The following ITPR1 variants were observed in gnomAD, a reference collection of about 807,000 sequenced individuals.
ITPR1 encodes inositol 1,4,5-trisphosphate-gated calcium channel ITPR1.
A neutral mutation model predicts 318.4 loss-of-function variants in ITPR1; 96 were observed. That is an observed-to-expected ratio of 0.30 (90% CI 0.26 to 0.36). The LOEUF (loss-of-function observed/expected upper bound fraction) is 0.36. ITPR1 is among the 10% of genes least tolerant of loss of function. The probability of loss-of-function intolerance (pLI) is 1.00; values close to 1 mark genes in which losing one functional copy is unlikely to be tolerated. For synonymous variants in ITPR1, 1,312 were observed against 1,289.9 expected (o/e 1.02, Z -0.37); for missense variants, 2,440 against 3,460.2 (o/e 0.71, Z 7.40).
At chr3:4,609,087 T>TACAC (rs1365493770) in intron 4 of ITPR1, among the ~76,000 whole-genome samples, 10 of 96,910 alleles carry the variant, frequency 1.0e-4, no homozygotes, top group African/African-American at 4.3e-4. Context: ...TATATATATA[T>TACAC]ATACACACAC....
At chr3:4,813,287 T>G (rs1276711817) in intron 57 of ITPR1, 53 bp downstream of exon 57, 2 of 1,224,452 alleles carry the variant, frequency 1.6e-6, no homozygotes, top group African/African-American at 3.0e-5. Context: ...CTCCAGAGGC[T>G]TAGCTGATGC....
intron 4 of ITPR1, among the ~76,000 whole-genome samples, chr3:4,596,406 T>C (rs2090823429): frequency 6.6e-6 from 1 of 152,196 alleles, no homozygotes; most frequent in South Asian, 2.1e-4. Context: ...GCAGACTTAT[T>C]AGCTGAGTGA....
intron 4 of ITPR1, among the ~76,000 whole-genome samples, chr3:4,600,620 C>T (rs183657697): frequency 1.3e-5 from 2 of 152,080 alleles, no homozygotes; most frequent in African/African-American, 4.8e-5. Flanking sequence ...TTTGTGTCTT[C>T]TACGTAAAAT....
chr3:4,651,161 C>G (rs143477265), intron 10 of ITPR1, among the ~76,000 whole-genome samples: 1 of 152,146 alleles, frequency 6.6e-6, no homozygotes, highest in South Asian at 2.1e-4. Context: ...GCCCTGTGTG[C>G]GCTCTGGGAA....
Position 4,674,257 on chromosome 3 carries a change from A to G in ITPR1, c.2512A>G (p.Met838Val), listed in dbSNP as rs1414138956. The G allele has an allele frequency of 2.5e-6, 4 of 1,579,182 alleles. No homozygotes were observed. The highest frequency in any genetic ancestry group is 2.3e-5 in the East Asian group (1 of 43,928). The change falls in exon 22 of 62, where the codon ATG becomes GTG. Residue 838 changes from methionine to valine, a missense_variant. By Grantham distance (21) the Met-to-Val change is conservative (BLOSUM62 1). Coordinates refer to ENST00000649015, the MANE Select transcript of ITPR1 (RefSeq NM_001378452.1). ...DEIKERFAQT[M>V]EFVEEYLRDV... ...AATTAAGGAGAGATTTGCTCAGACC[A>G]TGGAGTTTGTGGAGGAGTATTTAAG...
intron 41 of ITPR1, 51 bp from the exon 42 acceptor site, chr3:4,727,075 G>T (rs1481459906): frequency 1.5e-6 from 2 of 1,372,648 alleles, no homozygotes; most frequent in African/African-American, 1.4e-5. Flanking sequence ...GCTGCAGATG[G>T]TAGTGTCTCC....
At position 4,663,306 on chromosome 3, in the gene ITPR1, G is replaced by A. The variant is rs760303044; in HGVS notation, c.1554+100G>A. Reference sequence around the variant, plus strand: ...AGTCCCAGCACTTTGGGAAGCCGAGGTGGGAGGATCCCCTTGAGCCCAGGA... The same window carrying A: ...AGTCCCAGCACTTTGGGAAGCCGAGATGGGAGGATCCCCTTGAGCCCAGGA... On this transcript the variant is annotated intron_variant, in intron 16 of 61. Coordinates refer to ENST00000649015, the MANE Select transcript of ITPR1 (RefSeq NM_001378452.1). 4.5e-6 allele frequency: 5 copies of A among 1,113,736 alleles called. No individual in the cohort carries two copies. In the Admixed American group the frequency reaches 1.1e-4, roughly 24 times the overall value. 69.0% of individuals were successfully genotyped at this position (1,113,736 alleles called of 1,614,324 possible).
chr3:4,643,600 G>C (rs980129489), intron 7 of ITPR1, among the ~76,000 whole-genome samples: 1 of 8,462 alleles, frequency 1.2e-4, no homozygotes, highest in Non-Finnish European at 4.9e-4. Context: ...TGTTTTTTTG[G>C]GGGGGGGGTA....
intron 44 of ITPR1, among the ~76,000 whole-genome samples, chr3:4,737,932 C>A (rs1342104387): frequency 6.6e-6 from 1 of 152,152 alleles, no homozygotes; most frequent in East Asian, 1.9e-4. Flanking sequence ...GAGCTGGAGA[C>A]CATTATCCTT....
chr3:4,692,362 G>A (rs12715419), intron 32 of ITPR1, among the ~76,000 whole-genome samples: 18 of 151,878 alleles, frequency 1.2e-4, no homozygotes, highest in Admixed American at 1.1e-3. Flanking sequence ...TTTGGAAGCC[G>A]GTCATACTCT....
chr3:4,704,407 T>C (rs559374193), intron 36 of ITPR1, among the ~76,000 whole-genome samples: 1 of 152,306 alleles, frequency 6.6e-6, no homozygotes, highest in African/African-American at 2.4e-5. Context: ...AGCGCAACTC[T>C]GTCTCAAAAA....
At chr3:4,585,257 A>G (rs906228025) in intron 4 of ITPR1, among the ~76,000 whole-genome samples, 1 of 152,176 alleles carries the variant, frequency 6.6e-6, no homozygotes, top group African/African-American at 2.4e-5. Context: ...AACCCAACCA[A>G]TTACCTCTCT....
At chr3:4,845,404 C>A (rs1241097607) in intron 61 of ITPR1, among the ~76,000 whole-genome samples, 1 of 152,180 alleles carries the variant, frequency 6.6e-6, no homozygotes, top group East Asian at 1.9e-4. Context: ...AGAGACCCAT[C>A]AACATGAGAA....
At chr3:4,611,026 CCT>C (rs2092069777) in intron 4 of ITPR1, among the ~76,000 whole-genome samples, 9 of 4,910 alleles carry the variant, frequency 1.8e-3, no homozygotes, top group African/African-American at 2.4e-3. Flanking sequence ...CCTTCCCCTT[CCT>C]CCCTCCCTCC....
intron 3 of ITPR1, among the ~76,000 whole-genome samples, chr3:4,519,267 G>A (rs763172762): frequency 1.4e-4 from 21 of 151,584 alleles, no homozygotes; most frequent in Non-Finnish European, 2.5e-4. Context: ...TCACTCTGTC[G>A]CCAGGCTGGA....
intron 60 of ITPR1, among the ~76,000 whole-genome samples, chr3:4,835,964 A>G (rs1282560780): frequency 6.6e-6 from 1 of 152,142 alleles, no homozygotes; most frequent in Non-Finnish European, 1.5e-5. Flanking sequence ...CTGGAAGGAA[A>G]AGGAAACAAG....
At chr3:4,665,961 T>A (rs565580591) in intron 17 of ITPR1, among the ~76,000 whole-genome samples, 88 of 152,190 alleles carry the variant, frequency 5.8e-4, no homozygotes, top group Non-Finnish European at 1.1e-3. Flanking sequence ...TTTTGAGTTT[T>A]ATAACTTCAT....
chr3:4,707,775 C>T (rs1343015989), intron 37 of ITPR1, among the ~76,000 whole-genome samples: 1 of 152,132 alleles, frequency 6.6e-6, no homozygotes, highest in African/African-American at 2.4e-5. Flanking sequence ...ATTATTATTA[C>T]TATTATTACT....
chr3:4,696,820 C>T (rs1188822434), intron 33 of ITPR1, among the ~76,000 whole-genome samples: 1 of 151,780 alleles, frequency 6.6e-6, no homozygotes. Context: ...GATATCTTGT[C>T]CCAACTTGGG....
Sources: allele counts gnomAD v4.1 joint callset (sites outside exome capture counted in the v4.1 genomes callset), GRCh38; gene constraint gnomAD v4.1.1; transcripts MANE v1.5; gene names NCBI Gene and HGNC (gene_info 2026-07-23, HGNC 2026-07-21).